THRB: variants seen among roughly 807,000 people sequenced by gnomAD.
The protein encoded by THRB is thyroid hormone receptor beta.
THRB carries 12 observed loss-of-function variants against 47.8 expected under a neutral mutation model. The observed-to-expected ratio is 0.25, with a 90% confidence interval of 0.16 to 0.41. The LOEUF (loss-of-function observed/expected upper bound fraction) is 0.41, where lower values mean the gene tolerates loss of function less well. Ranked by LOEUF, THRB falls within the 10% of genes least tolerant of loss-of-function variation. The probability of loss-of-function intolerance (pLI) is 1.00; values close to 1 mark genes in which losing one functional copy is unlikely to be tolerated. For missense variants in THRB, 348 were observed against 589.2 expected (o/e 0.59, Z 4.24); for synonymous variants, 218 against 212.2 (o/e 1.03, Z -0.24).
At chr3:24,249,093 C>A (rs1367023675) in intron 3 of THRB, among the ~76,000 whole-genome samples, 2 of 152,176 alleles carry the variant, frequency 1.3e-5, no homozygotes, top group Admixed American at 6.5e-5. Context: ...TAATGCAAAT[C>A]TGTTTCTGCT....
chr3:24,153,470 G>A (rs2037333665), intron 5 of THRB, among the ~76,000 whole-genome samples: 1 of 152,212 alleles, frequency 6.6e-6, no homozygotes, highest in Non-Finnish European at 1.5e-5. Context: ...TGGATAGTGT[G>A]AAATGACAGA....
intron 3 of THRB, among the ~76,000 whole-genome samples, chr3:24,261,780 C>A (rs2052068033): frequency 1.3e-5 from 2 of 152,216 alleles, no homozygotes; most frequent in African/African-American, 2.4e-5. Flanking sequence ...ACACTTGATA[C>A]AGCTAGCTTC....
intron 1 of THRB, among the ~76,000 whole-genome samples, chr3:24,357,556 C>CAT (rs1468100188): frequency 6.6e-6 from 1 of 152,070 alleles, no homozygotes; most frequent in Admixed American, 6.5e-5. Context: ...CTGGCATACA[C>CAT]ATACATATAT....
intron 1 of THRB, among the ~76,000 whole-genome samples, chr3:24,482,714 C>T (rs1378620180): frequency 6.6e-6 from 1 of 152,168 alleles, no homozygotes; most frequent in Non-Finnish European, 1.5e-5. Flanking sequence ...TTGGAGCCCA[C>T]TGCTGTGCGA....
chr3:24,204,879 G>A (rs965267177), intron 4 of THRB, among the ~76,000 whole-genome samples: 5 of 152,162 alleles, frequency 3.3e-5, no homozygotes, highest in African/African-American at 1.2e-4. Context: ...TAGCCGATTC[G>A]ATCAACTGGA....
chr3:24,405,459 T>G (rs777102368), intron 1 of THRB, among the ~76,000 whole-genome samples: 6 of 151,934 alleles, frequency 3.9e-5, no homozygotes, highest in Non-Finnish European at 5.9e-5. Flanking sequence ...CAGAAAAAGT[T>G]TGTGGGCCTT....
intron 1 of THRB, among the ~76,000 whole-genome samples, chr3:24,378,029 T>C (rs907551059): frequency 6.6e-6 from 1 of 152,202 alleles, no homozygotes; most frequent in South Asian, 2.1e-4. Context: ...CTTTGACCAA[T>C]TTTTCTCCTT....
At chr3:24,443,587 A>C (rs1173459241) in intron 1 of THRB, among the ~76,000 whole-genome samples, 1 of 152,222 alleles carries the variant, frequency 6.6e-6, no homozygotes, top group East Asian at 1.9e-4. Flanking sequence ...TACAGCAGTA[A>C]GTTAAGAAAA....
chr3:24,355,888 C>A (rs2063643773), intron 1 of THRB, among the ~76,000 whole-genome samples: 1 of 152,092 alleles, frequency 6.6e-6, no homozygotes, highest in South Asian at 2.1e-4. Context: ...ATGAAAAATA[C>A]CTTCATTCTA....
chr3:24,244,025 A>G (rs2049857547), intron 3 of THRB, among the ~76,000 whole-genome samples: 1 of 152,228 alleles, frequency 6.6e-6, no homozygotes, highest in South Asian at 2.1e-4. Flanking sequence ...GTTAAAAAAA[A>G]TGCACACTAT....
intron 3 of THRB, among the ~76,000 whole-genome samples, chr3:24,277,640 G>T (rs189368292): frequency 6.6e-6 from 1 of 152,116 alleles, no homozygotes; most frequent in Non-Finnish European, 1.5e-5. Flanking sequence ...CAAGATTTTG[G>T]GTGAAAAGTT....
rs1560011027 is a variant in THRB at position 24,357,378 on chromosome 3, A to AAAAAAAAAAAAAAAAAC, written c.-260-20008_-260-20007insGTTTTTTTTTTTTTTTT. Among the ~76,000 whole-genome samples the AAAAAAAAAAAAAAAAAC allele has an allele frequency of 9.9e-5, 14 of 141,198 alleles. 1 individual carries two copies. The highest frequency in any genetic ancestry group is 3.9e-4 in the African/African-American group (13 of 33,614). 92.6% of individuals were successfully genotyped at this position (141,198 alleles called of 152,430 possible). ...AAAAAAAAAAAAAAAAAAAAAACAA[A>AAAAAAAAAAAAAAAAAC]AAACAAACAAACAAAAAAACACCAA... On this transcript the variant is annotated intron_variant, in intron 1 of 10. Coordinates refer to ENST00000646209, the MANE Select transcript of THRB (RefSeq NM_001354712.2).
chr3:24,121,652 T>C lies in THRB; in HGVS notation c.*1232A>G, dbSNP rs909599093. 6.6e-6 allele frequency: 1 copy of C among 152,292 alleles called. No individual in the cohort carries two copies. Among genetic ancestry groups the C allele is most frequent in the African/African-American group, 2.4e-5 (1 of 41,432 alleles). 9.4% of individuals were successfully genotyped at this position (152,292 alleles called of 1,614,324 possible). A position where few individuals can be genotyped will look rare whatever the true frequency, so the allele number is the denominator to read the frequency against. On this transcript the variant is annotated 3_prime_UTR_variant, in exon 11 of 11. Transcript: ENST00000646209. ...ATTGAGTATCTGTCAGGGTATGCTATGAGAGGGACAGGAGGGTCAGTGGCA... is the reference window on the plus strand; with the variant it reads ...ATTGAGTATCTGTCAGGGTATGCTACGAGAGGGACAGGAGGGTCAGTGGCA...
At chr3:24,385,298 T>G (rs948967114) in intron 1 of THRB, among the ~76,000 whole-genome samples, 6 of 152,066 alleles carry the variant, frequency 3.9e-5, no homozygotes, top group African/African-American at 1.4e-4. Flanking sequence ...ATAAACTACT[T>G]TGAAAATTTT....
chr3:24,237,399 T>G (rs1407140836), intron 3 of THRB, among the ~76,000 whole-genome samples: 1 of 152,222 alleles, frequency 6.6e-6, no homozygotes, highest in Non-Finnish European at 1.5e-5. Context: ...TATTTCTTTT[T>G]ATTCTTAGTA....
chr3:24,451,108 C>T (rs2125530054), intron 1 of THRB, among the ~76,000 whole-genome samples: 1 of 151,896 alleles, frequency 6.6e-6, no homozygotes, highest in Middle Eastern at 3.4e-3. Flanking sequence ...TGAGCTATGA[C>T]AAGTCTAACC....
At chr3:24,372,371 C>T (rs137945058) in intron 1 of THRB, among the ~76,000 whole-genome samples, 109 of 152,124 alleles carry the variant, frequency 7.2e-4, no homozygotes, top group African/African-American at 2.6e-3. Flanking sequence ...TCTTTATATG[C>T]CATGAAATTA....
chr3:24,356,884 T>C (rs970155254), intron 1 of THRB, among the ~76,000 whole-genome samples: 2 of 152,028 alleles, frequency 1.3e-5, no homozygotes, highest in African/African-American at 4.8e-5. Flanking sequence ...CCTGTCAGAC[T>C]CCCTTACACC....
intron 2 of THRB, among the ~76,000 whole-genome samples, chr3:24,313,050 T>G (rs537271121): frequency 6.6e-5 from 10 of 152,076 alleles, no homozygotes; most frequent in African/African-American, 2.2e-4. Flanking sequence ...GAGTTTGGAT[T>G]TGGGGGTGAG....
Sources: gnomAD v4.1 joint callset for allele counts (sites outside exome capture counted in the v4.1 genomes callset) on GRCh38, gnomAD v4.1.1 for gene constraint, MANE v1.5 for transcripts, NCBI Gene and HGNC (gene_info 2026-07-23, HGNC 2026-07-21) for gene names.